Variants in CD226 observed in about 807,000 individuals in gnomAD.
The protein encoded by CD226 is CD226 antigen.
A neutral mutation model predicts 34.9 loss-of-function variants in CD226; 24 were observed. The ratio of observed to expected loss-of-function variants is 0.69; its 90% CI spans 0.50 to 0.97. The LOEUF (loss-of-function observed/expected upper bound fraction) is 0.97. Among genes scored for constraint, CD226 ranks in the 50% least tolerant of loss-of-function variants. The pLI is 0.00. For synonymous variants in CD226, 148 were observed against 147.4 expected, an observed-to-expected ratio of 1.00 and a Z score of -0.03; for missense variants, 397 against 412.7, an observed-to-expected ratio of 0.96 and a Z score of 0.33.
In CD226 at chr18:69,861,570, A is replaced by ATATATATATATATATATATG. The variant is rs1253827019; in HGVS notation, c.*2743_*2744insCATATATATATATATATATA. 3 of 146,642 alleles carry ATATATATATATATATATATG rather than the reference A, an allele frequency of 2.0e-5. 1 individual carries two copies. The highest frequency in any genetic ancestry group is 4.5e-5 in the Non-Finnish European group (3 of 66,512). The allele number at this position is 146,642 out of a possible 1,614,324, so 9.1% of individuals were successfully genotyped here. On this transcript the variant is annotated 3_prime_UTR_variant, in exon 6 of 6. Coordinates refer to ENST00000582621, the MANE Select transcript of CD226 (RefSeq NM_001303618.2). ...TATATATATGTATATATATATATAT[A>ATATATATATATATATATATG]TATGTAAAACTTAAGAAGCATTTTG...
chr18:69,864,112 T>A lies in CD226; in HGVS notation c.*202A>T. ...ATATGATACAGTAAGTTTTCTTTTG[T>A]ATATAAACCAGTTAGAGTCAGGTTT... On this transcript the variant is annotated 3_prime_UTR_variant, in exon 6 of 6. Transcript: ENST00000582621. The A allele has an allele frequency of 1.9e-6, 1 of 539,924 alleles. No individual in the cohort carries two copies. The highest frequency in any genetic ancestry group is 3.3e-6 in the Non-Finnish European group (1 of 304,910). The allele number at this position is 539,924 out of a possible 1,614,324, so 33.4% of individuals were successfully genotyped here. A position where few individuals can be genotyped will look rare whatever the true frequency, so the allele number is the denominator to read the frequency against.
At chr18:69,887,640 A>G (rs1474930267) in intron 3 of CD226, among the ~76,000 whole-genome samples, 1 of 152,094 alleles carries the variant, frequency 6.6e-6, no homozygotes, top group Non-Finnish European at 1.5e-5. Context: ...CTTTCCACCA[A>G]TCCAACTGAG....
chr18:69,950,665 T>C (rs538858634), upstream of CD226, among the ~76,000 whole-genome samples: 49 of 152,016 alleles, frequency 3.2e-4, no homozygotes, highest in African/African-American at 1.2e-3. Context: ...AGAGACTTTG[T>C]GGAAGTTTTT....
rs1982663306 is a variant in CD226, at chr18:69,858,115, C to G, written c.*6199G>C. The G allele has an allele frequency of 6.6e-6, 1 of 152,120 alleles. No individual in the cohort carries two copies. Among genetic ancestry groups the G allele is most frequent in the Non-Finnish European group, 1.5e-5 (1 of 68,028 alleles). 9.4% of individuals were successfully genotyped at this position (152,120 alleles called of 1,614,324 possible). A position where few individuals can be genotyped will look rare whatever the true frequency, so the allele number is the denominator to read the frequency against. ...AATAGTGTTACTAAAAATGAACTATCGGCCATTATTGCAAAACTGCCAACT... is the reference window on the plus strand; with the variant it reads ...AATAGTGTTACTAAAAATGAACTATGGGCCATTATTGCAAAACTGCCAACT... On this transcript the variant is annotated 3_prime_UTR_variant, in exon 6 of 6. Coordinates refer to ENST00000582621, the MANE Select transcript of CD226 (RefSeq NM_001303618.2).
intron 2 of CD226, among the ~76,000 whole-genome samples, chr18:69,930,700 G>A (rs867421378): frequency 3.3e-5 from 5 of 152,166 alleles, no homozygotes; most frequent in East Asian, 1.9e-4. Context: ...GTGCTCACCC[G>A]CATCCCCAGG....
intron 2 of CD226, among the ~76,000 whole-genome samples, chr18:69,930,026 C>T (rs920098553): frequency 7.9e-5 from 12 of 152,068 alleles, no homozygotes; most frequent in African/African-American, 1.7e-4. Flanking sequence ...ACCATGAGCA[C>T]GGGCAACTAC....
In CD226 at chr18:69,856,578, T is replaced by A. The variant is rs1982616269; in HGVS notation, c.*7736A>T. 1 of 151,928 alleles carries A rather than the reference T, an allele frequency of 6.6e-6. No homozygotes were observed. Among genetic ancestry groups the A allele is most frequent in the Admixed American group, 6.6e-5 (1 of 15,242 alleles). The allele number at this position is 151,928 out of a possible 1,614,324, so 9.4% of individuals were successfully genotyped here. Reference sequence around the variant, plus strand: ...GGGCCATAAAATACACCTGAAAAATTTAAAAGAATAGAAATTATACAAAGA... The same window carrying A: ...GGGCCATAAAATACACCTGAAAAATATAAAAGAATAGAAATTATACAAAGA... On this transcript the variant is annotated 3_prime_UTR_variant, in exon 6 of 6. Transcript: ENST00000582621.
At chr18:69,937,015 C>T (rs895542269) in intron 2 of CD226, among the ~76,000 whole-genome samples, 2 of 152,146 alleles carry the variant, frequency 1.3e-5, no homozygotes, top group African/African-American at 2.4e-5. Context: ...GTGTCATTTT[C>T]GTATGTTTTC....
intron 2 of CD226, among the ~76,000 whole-genome samples, chr18:69,896,510 G>T (rs1985312092): frequency 1.3e-5 from 2 of 151,808 alleles, no homozygotes; most frequent in Admixed American, 1.3e-4. Context: ...AAGAGAAAGG[G>T]TTTTTTTTGT....
At chr18:69,878,498 G>T (rs574813107) in intron 3 of CD226, among the ~76,000 whole-genome samples, 1 of 152,012 alleles carries the variant, frequency 6.6e-6, no homozygotes. Flanking sequence ...AGGCAAGAGT[G>T]GCCATTAATG....
At chr18:69,916,685 G>T (rs1022722201) in intron 2 of CD226, among the ~76,000 whole-genome samples, 1 of 152,156 alleles carries the variant, frequency 6.6e-6, no homozygotes, top group Non-Finnish European at 1.5e-5. Context: ...ATCCACTAGG[G>T]TATCAACCTA....
chr18:69,870,350 C>T (rs561150079), intron 4 of CD226, among the ~76,000 whole-genome samples: 2 of 146,484 alleles, frequency 1.4e-5, no homozygotes, highest in South Asian at 4.5e-4. Flanking sequence ...TCTTGGCTCA[C>T]TGCAACCTCC....
chr18:69,903,577 A>G (rs994355592), intron 2 of CD226, among the ~76,000 whole-genome samples: 1 of 152,090 alleles, frequency 6.6e-6, no homozygotes, highest in African/African-American at 2.4e-5. Flanking sequence ...CAATTAGTTA[A>G]CATGAAGTCA....
At chr18:69,935,473 T>C (rs2055641319) in intron 2 of CD226, among the ~76,000 whole-genome samples, 1 of 152,184 alleles carries the variant, frequency 6.6e-6, no homozygotes, top group African/African-American at 2.4e-5. Flanking sequence ...GCTGAACATG[T>C]TCCACAGTTA....
Position 69,920,408 on chromosome 18 carries a change from G to A in CD226, c.383-24363C>T, listed in dbSNP as rs149947169. 1.2e-3 allele frequency among the ~76,000 whole-genome samples: 190 copies of A among 152,182 alleles called. 1 individual carries two copies. The highest frequency in any genetic ancestry group is 4.4e-3 in the South Asian group (21 of 4,814). On this transcript the variant is annotated intron_variant, in intron 2 of 5. Transcript: ENST00000582621. ...CATTTATATACAAGATAAAAACAAT[G>A]CTTCATGGAGTTTATAATATAGAAT...
rs1409811077 is a variant in CD226, at chr18:69,862,070, C to T, written c.*2244G>A. The T allele has an allele frequency of 6.7e-6, 1 of 150,354 alleles. No homozygotes were observed. 9.3% of individuals were successfully genotyped at this position (150,354 alleles called of 1,614,324 possible). A position where few individuals can be genotyped will look rare whatever the true frequency, so the allele number is the denominator to read the frequency against. On this transcript the variant is annotated 3_prime_UTR_variant, in exon 6 of 6. Transcript: ENST00000582621. ...ACACACAAGGAAAAAGAGACAAGTT[C>T]CAAATGTTCTGGAGGCTTTGCAATA...
chr18:69,874,327 C>A (rs989380800), intron 3 of CD226, among the ~76,000 whole-genome samples: 2 of 152,216 alleles, frequency 1.3e-5, no homozygotes, highest in African/African-American at 2.4e-5. Flanking sequence ...GTTACATCCT[C>A]CTGCCCACAA....
intron 1 of CD226, among the ~76,000 whole-genome samples, chr18:69,955,862 C>CAAAAAAAA: frequency 1.2e-5 from 1 of 83,242 alleles, no homozygotes; most frequent in Admixed American, 1.6e-4. Flanking sequence ...GACTCCATCT[C>CAAAAAAAA]AAAAAAAAAA....
chr18:69,907,464 T>A lies in CD226; in HGVS notation c.383-11419A>T, dbSNP rs557046427. ...CTGGGATTACAGGCACACACCACCA[T>A]GCCCAGCTAAATTTTTTGTATTTTT... On this transcript the variant is annotated intron_variant, in intron 2 of 5. Coordinates refer to ENST00000582621, the MANE Select transcript of CD226 (RefSeq NM_001303618.2). Among the ~76,000 whole-genome samples the A allele has an allele frequency of 1.1e-4, 17 of 152,206 alleles. 1 individual carries two copies. Among genetic ancestry groups the A allele is most frequent in the African/African-American group, 4.1e-4 (17 of 41,534 alleles).
Sources: allele counts gnomAD v4.1 joint callset (sites outside exome capture counted in the v4.1 genomes callset), GRCh38; gene constraint gnomAD v4.1.1; transcripts MANE v1.5; gene names NCBI Gene and HGNC (gene_info 2026-07-23, HGNC 2026-07-21).